The following ZNHIT6 variants were observed in gnomAD, a reference collection of about 807,000 sequenced individuals.
ZNHIT6 encodes zinc finger HIT-type containing 6, also known as box C/D snoRNA protein 1.
In ZNHIT6, 45 loss-of-function variants were observed where a neutral mutation model predicts 57.2. That is an observed-to-expected ratio of 0.79 (90% CI 0.62 to 1.01). ZNHIT6 has a LOEUF of 1.01. ZNHIT6 is among the 50% of genes least tolerant of loss of function. The probability of loss-of-function intolerance (pLI) is 0.00; values close to 1 mark genes in which losing one functional copy is unlikely to be tolerated. For synonymous variants in ZNHIT6, 188 were observed against 190.0 expected (o/e 0.99, Z 0.09); for missense variants, 528 against 567.3 (o/e 0.93, Z 0.70).
intron 8 of ZNHIT6, among the ~76,000 whole-genome samples, chr1:85,671,765 G>C (rs1485224791): frequency 6.6e-6 from 1 of 152,094 alleles, no homozygotes; most frequent in Non-Finnish European, 1.5e-5. Flanking sequence ...GGGAAAACAG[G>C]CTTAGTAACT....
intron 6 of ZNHIT6, among the ~76,000 whole-genome samples, chr1:85,680,439 G>A (rs548807897): frequency 6.6e-6 from 1 of 152,066 alleles, no homozygotes; most frequent in Non-Finnish European, 1.5e-5. Flanking sequence ...ACTTTCAGCC[G>A]TCTAATTCTC....
chr1:85,702,737 G>T (rs1023874281), intron 4 of ZNHIT6, among the ~76,000 whole-genome samples: 3 of 152,164 alleles, frequency 2.0e-5, no homozygotes, highest in African/African-American at 7.2e-5. Context: ...CCAAGGCATT[G>T]CCTAGTACAA....
intron 5 of ZNHIT6, among the ~76,000 whole-genome samples, chr1:85,691,352 T>C (rs1197463973): frequency 6.6e-6 from 1 of 152,182 alleles, no homozygotes; most frequent in African/African-American, 2.4e-5. Flanking sequence ...ATACTTGAAA[T>C]GAATTATATT....
At chr1:85,699,138 CTT>C (rs1000549959) in intron 5 of ZNHIT6, among the ~76,000 whole-genome samples, 1 of 152,116 alleles carries the variant, frequency 6.6e-6, no homozygotes, top group Non-Finnish European at 1.5e-5. Context: ...AAACTAGTCT[CTT>C]AGAATACTGG....
chr1:85,666,743 G>A (rs1336451527), intron 8 of ZNHIT6, among the ~76,000 whole-genome samples: 1 of 152,170 alleles, frequency 6.6e-6, no homozygotes, highest in Non-Finnish European at 1.5e-5. Context: ...TATCATCTTT[G>A]AGATGATAAA....
chr1:85,686,813 T>C lies in ZNHIT6; in HGVS notation c.1020-5909A>G, dbSNP rs138752240. On this transcript the variant is annotated intron_variant, in intron 5 of 9. Coordinates refer to ENST00000370574, the MANE Select transcript of ZNHIT6 (RefSeq NM_017953.4). ...TATACTATAAGGTCCAGAGGTAGGA[T>C]GGGGGAGAGGTTAAGTGGACTTTGC... 9.3e-3 allele frequency among the ~76,000 whole-genome samples: 1,422 copies of C among 152,150 alleles called. 57 individuals carry two copies. Among genetic ancestry groups the C allele is most frequent in the Admixed American group, 0.063 (955 of 15,272 alleles).
At chr1:85,661,245 G>A (rs972998252) in intron 8 of ZNHIT6, among the ~76,000 whole-genome samples, 5 of 152,122 alleles carry the variant, frequency 3.3e-5, no homozygotes, top group East Asian at 1.9e-4. Flanking sequence ...GGAGTTTAAC[G>A]CTGAGTTAAA....
chr1:85,651,268 TCACC>T lies in ZNHIT6; in HGVS notation c.*2786_*2789del, dbSNP rs1288146284. The T allele has an allele frequency of 6.6e-6, 1 of 151,988 alleles. No individual in the cohort carries two copies. The highest frequency in any genetic ancestry group is 2.4e-5 in the African/African-American group (1 of 41,388). The allele number at this position is 151,988 out of a possible 1,614,324, so 9.4% of individuals were successfully genotyped here. ...TTTTTTGAGGCAGAGTCTCATTCTG[TCACC>T]CAGGCAGTGCCCAGGAATGCAGTGG... On this transcript the variant is annotated 3_prime_UTR_variant, in exon 10 of 10. Transcript: ENST00000370574.
rs1196263705 is a variant in ZNHIT6, at chr1:85,677,210, A to C, written c.1247+26T>G. The C allele has an allele frequency of 1.9e-6, 3 of 1,545,042 alleles. No homozygotes were observed. The African/African-American group carries it at 4.2e-5, about 21-fold the overall frequency. ...TATTACAGAACTAAAAAATATTTAA[A>C]GAAATGGGGAGGGGAGCAATTTTAC... On this transcript the variant is annotated intron_variant, in intron 8 of 9. Transcript: ENST00000370574.
At chr1:85,668,818 T>C (rs1424736071) in intron 8 of ZNHIT6, among the ~76,000 whole-genome samples, 1 of 152,214 alleles carries the variant, frequency 6.6e-6, no homozygotes, top group Non-Finnish European at 1.5e-5. Context: ...TGTTTCTTTA[T>C]ACAACTTCAA....
At chr1:85,682,300 A>G (rs1445975079) in intron 5 of ZNHIT6, among the ~76,000 whole-genome samples, 1 of 151,406 alleles carries the variant, frequency 6.6e-6, no homozygotes, top group African/African-American at 2.4e-5. Flanking sequence ...CTGGGATTAC[A>G]GGCATGAGCC....
At chr1:85,663,253 TTATCAG>T in intron 8 of ZNHIT6, among the ~76,000 whole-genome samples, 2 of 152,294 alleles carry the variant, frequency 1.3e-5, no homozygotes, top group Middle Eastern at 6.8e-3. Flanking sequence ...AATGACATAC[TTATCAG>T]GAATTATATT....
chr1:85,704,647 A>G (rs1005098335), intron 4 of ZNHIT6, among the ~76,000 whole-genome samples: 6 of 152,214 alleles, frequency 3.9e-5, no homozygotes, highest in Non-Finnish European at 8.8e-5. Flanking sequence ...ATCTTTAAGT[A>G]GAATTTTAAT....
At chr1:85,702,035 G>C in intron 5 of ZNHIT6, 122 bp downstream of exon 5, 1 of 658,172 alleles carries the variant, frequency 1.5e-6, no homozygotes, top group Non-Finnish European at 2.6e-6. Flanking sequence ...TCTTGTCATG[G>C]ACCAATAACA....
At position 85,687,281 on chromosome 1, in the gene ZNHIT6, C is replaced by CAAAAAAAAAAAAAAAAAAAAAAAAAAAAA. The variant is rs371192859; in HGVS notation, c.1020-6378_1020-6377insTTTTTTTTTTTTTTTTTTTTTTTTTTTTT. On this transcript the variant is annotated intron_variant, in intron 5 of 9. Coordinates refer to ENST00000370574, the MANE Select transcript of ZNHIT6 (RefSeq NM_017953.4). ...GGTGACAAGAGTGAGAAGACTATCT[C>CAAAAAAAAAAAAAAAAAAAAAAAAAAAAA]AAAAAACAAAAAAAAAACAAAAAAA... 1.8e-4 allele frequency among the ~76,000 whole-genome samples: 6 copies of CAAAAAAAAAAAAAAAAAAAAAAAAAAAAA among 33,600 alleles called. 2 individuals carry two copies. The highest frequency in any genetic ancestry group is 1.7e-4 in the Non-Finnish European group (3 of 17,656). The allele number at this position is 33,600 out of a possible 152,430, so 22.0% of individuals were successfully genotyped here.
intron 5 of ZNHIT6, among the ~76,000 whole-genome samples, chr1:85,698,357 A>T (rs1258058111): frequency 1.3e-5 from 2 of 152,202 alleles, no homozygotes; most frequent in African/African-American, 4.8e-5. Flanking sequence ...TGTCTGGATT[A>T]GAATGAACCT....
rs1377984678 is a variant in ZNHIT6, at chr1:85,650,989, T to C, written c.*3069A>G. The C allele has an allele frequency of 6.6e-6, 1 of 152,156 alleles. No homozygotes were observed. Among genetic ancestry groups the C allele is most frequent in the Non-Finnish European group, 1.5e-5 (1 of 68,026 alleles). The allele number at this position is 152,156 out of a possible 1,614,324, so 9.4% of individuals were successfully genotyped here. On this transcript the variant is annotated 3_prime_UTR_variant, in exon 10 of 10. Transcript: ENST00000370574. ...GTAGGAACAAACTATATTCAAACCA[T>C]AACAGTATATGATTAAATAAAAATA...
At chr1:85,690,528 G>C (rs1163605301) in intron 5 of ZNHIT6, among the ~76,000 whole-genome samples, 2 of 152,076 alleles carry the variant, frequency 1.3e-5, no homozygotes, top group African/African-American at 4.8e-5. Flanking sequence ...CCCTCGAAAG[G>C]CTGGGGCAGG....
chr1:85,680,407 C>A (rs1661841650), intron 6 of ZNHIT6, among the ~76,000 whole-genome samples: 1 of 152,048 alleles, frequency 6.6e-6, no homozygotes, highest in Non-Finnish European at 1.5e-5. Context: ...CCTTAACAAC[C>A]ACCCAGCTGA....
Sources: allele counts gnomAD v4.1 joint callset (sites outside exome capture counted in the v4.1 genomes callset), GRCh38; gene constraint gnomAD v4.1.1; transcripts MANE v1.5; gene names NCBI Gene and HGNC (gene_info 2026-07-23, HGNC 2026-07-21).